PTDSS1: variants seen among roughly 807,000 people sequenced by gnomAD.
PTDSS1 encodes PSS-1.
A neutral mutation model predicts 70.5 loss-of-function variants in PTDSS1; 45 were observed. The observed-to-expected ratio is 0.64, with a 90% CI of 0.50 to 0.82. The LOEUF is 0.82. PTDSS1 is among the 40% of genes least tolerant of loss of function. PTDSS1 has a pLI of 0.00. For synonymous variants in PTDSS1, 188 were observed against 203.8 expected (o/e 0.92, Z 0.66); for missense variants, 417 against 586.1 (o/e 0.71, Z 2.98).
At chr8:96,287,179 T>C (rs753518310) in intron 4 of PTDSS1, 33 bp downstream of exon 4, 2 of 1,610,236 alleles carry the variant, frequency 1.2e-6, no homozygotes, top group African/African-American at 2.7e-5. Flanking sequence ...TTGGAGAAAC[T>C]CGTAGACTCT....
At chr8:96,331,276 C>T (rs1044757730) in intron 12 of PTDSS1, among the ~76,000 whole-genome samples, 181 bp downstream of exon 12, 4 of 152,110 alleles carry the variant, frequency 2.6e-5, no homozygotes, top group Admixed American at 2.0e-4. Flanking sequence ...GCCTGTAATC[C>T]TAACACTTTG....
Position 96,309,542 on chromosome 8 carries a change from A to G in PTDSS1, c.1008-15A>G, listed in dbSNP as rs770522199. ...TTCCAGCAGCTCTCAATGAATTCCAACTTTGTTCTTTCAGACAGTACTACG... is the reference window on the plus strand; with the variant it reads ...TTCCAGCAGCTCTCAATGAATTCCAGCTTTGTTCTTTCAGACAGTACTACG... On this transcript the variant is annotated splice_polypyrimidine_tract_variant and intron_variant, in intron 8 of 12. Coordinates refer to ENST00000517309, the MANE Select transcript of PTDSS1 (RefSeq NM_014754.3). 1 of 1,611,650 alleles carries G rather than the reference A, an allele frequency of 6.2e-7. No homozygotes were observed. Among genetic ancestry groups the G allele is most frequent in the Non-Finnish European group, 8.5e-7 (1 of 1,178,058 alleles).
At chr8:96,321,140 C>A (rs1258216425) in intron 10 of PTDSS1, among the ~76,000 whole-genome samples, 2 of 152,136 alleles carry the variant, frequency 1.3e-5, no homozygotes, top group Non-Finnish European at 2.9e-5. Context: ...CCCTCATGAA[C>A]CCATCATCGG....
chr8:96,276,465 TG>T (rs1164642915), intron 2 of PTDSS1, among the ~76,000 whole-genome samples: 2 of 152,158 alleles, frequency 1.3e-5, no homozygotes, highest in Non-Finnish European at 2.9e-5. Flanking sequence ...TTCCTTATCC[TG>T]GCTGCATGGA....
intron 9 of PTDSS1, among the ~76,000 whole-genome samples, chr8:96,315,499 G>T (rs1446715007): frequency 6.6e-6 from 1 of 152,164 alleles, no homozygotes; most frequent in Non-Finnish European, 1.5e-5. Context: ...GAGCTTTCAT[G>T]CCCCAGATTC....
At chr8:96,332,742 CT>C (rs1298884375) in intron 12 of PTDSS1, among the ~76,000 whole-genome samples, 1 of 152,206 alleles carries the variant, frequency 6.6e-6, no homozygotes, top group Non-Finnish European at 1.5e-5. Context: ...ATCTCTTAGT[CT>C]AAGTCAAATG....
chr8:96,286,019 C>G (rs2130053832), intron 3 of PTDSS1, among the ~76,000 whole-genome samples: 1 of 152,234 alleles, frequency 6.6e-6, no homozygotes, highest in East Asian at 1.9e-4. Flanking sequence ...CCCGGGCCTC[C>G]CTTGAACTCC....
chr8:96,317,099 A>ATG (rs1811303545), intron 9 of PTDSS1, among the ~76,000 whole-genome samples: 2 of 148,152 alleles, frequency 1.3e-5, no homozygotes, highest in African/African-American at 5.3e-5. Flanking sequence ...AGAGAGAGAC[A>ATG]GAGAGAGAGA....
chr8:96,304,735 G>A (rs1372342373), intron 7 of PTDSS1, among the ~76,000 whole-genome samples: 1 of 152,140 alleles, frequency 6.6e-6, no homozygotes, highest in Non-Finnish European at 1.5e-5. Context: ...CAGGGTCTTG[G>A]CAAAAGATTA....
intron 10 of PTDSS1, among the ~76,000 whole-genome samples, chr8:96,324,452 T>G (rs1811411639): frequency 6.6e-6 from 1 of 152,246 alleles, no homozygotes; most frequent in Non-Finnish European, 1.5e-5. Context: ...AACAGAATAC[T>G]GCAGACTGGG....
rs1305613002 is a variant in PTDSS1, at chr8:96,299,824, C to A, written c.731C>A (p.Thr244Asn). 1 of 1,613,322 alleles carries A rather than the reference C, an allele frequency of 6.2e-7. No homozygotes were observed. The highest frequency in any genetic ancestry group is 8.5e-7 in the Non-Finnish European group (1 of 1,179,882). ...GTTTGCCGGTTTTTAGAGATGAGGACTTACCACTGGGCAAGCTTCAAGTGA... is the reference window on the plus strand; with the variant it reads ...GTTTGCCGGTTTTTAGAGATGAGGAATTACCACTGGGCAAGCTTCAAGTGA... ...MVVCRFLEMRTYHWASFKDIH... is the reference protein window; with the variant it reads ...MVVCRFLEMRNYHWASFKDIH... The change falls in exon 6 of 13, where the codon ACT (threonine) becomes AAT (asparagine). Residue 244 changes from threonine to asparagine, a missense_variant. By Grantham distance (65) the Thr-to-Asn change is moderately conservative. Coordinates refer to ENST00000517309, the MANE Select transcript of PTDSS1 (RefSeq NM_014754.3).
rs1474334176 is a variant in PTDSS1 at position 96,334,029 on chromosome 8, C to T, written c.*463C>T. On this transcript the variant is annotated 3_prime_UTR_variant, in exon 13 of 13. Coordinates refer to ENST00000517309, the MANE Select transcript of PTDSS1 (RefSeq NM_014754.3). ...ATTTAAGTTCAGGCCACTTTTCTGTCTTTTATTTGGTTACTGTTGTTATTT... is the reference window on the plus strand; with the variant it reads ...ATTTAAGTTCAGGCCACTTTTCTGTTTTTTATTTGGTTACTGTTGTTATTT... The T allele has an allele frequency of 2.3e-6, 1 of 432,976 alleles. No individual in the cohort carries two copies. Among genetic ancestry groups the T allele is most frequent in the Non-Finnish European group, 4.1e-6 (1 of 245,166 alleles). 26.8% of individuals were successfully genotyped at this position (432,976 alleles called of 1,614,324 possible). A position where few individuals can be genotyped will look rare whatever the true frequency, so the allele number is the denominator to read the frequency against.
At chr8:96,283,396 C>G (rs1027524223) in intron 2 of PTDSS1, among the ~76,000 whole-genome samples, 2 of 152,138 alleles carry the variant, frequency 1.3e-5, no homozygotes, top group African/African-American at 4.8e-5. Flanking sequence ...GCTTTCTTCT[C>G]CCTCTTCTGC....
intron 2 of PTDSS1, among the ~76,000 whole-genome samples, chr8:96,280,561 C>T (rs1001227993): frequency 6.6e-6 from 1 of 150,974 alleles, no homozygotes; most frequent in African/African-American, 2.4e-5. Flanking sequence ...GGGTGAGACT[C>T]GTCTCAAAAA....
At chr8:96,288,134 G>C (rs1810849732) in intron 4 of PTDSS1, among the ~76,000 whole-genome samples, 1 of 152,118 alleles carries the variant, frequency 6.6e-6, no homozygotes, top group Non-Finnish European at 1.5e-5. Context: ...TATTGTAAAG[G>C]ACATGATAAA....
chr8:96,266,072 C>T (rs761800451), intron 1 of PTDSS1, among the ~76,000 whole-genome samples: 1 of 152,226 alleles, frequency 6.6e-6, no homozygotes, highest in African/African-American at 2.4e-5. Flanking sequence ...ACTCTGCATT[C>T]AGGGGTTGGT....
At chr8:96,330,905 C>T in intron 11 of PTDSS1, 121 bp from the exon 12 acceptor site, 1 of 769,150 alleles carries the variant, frequency 1.3e-6, no homozygotes, top group Non-Finnish European at 2.2e-6. Context: ...GAGGTTCTGT[C>T]ACTTGCCAGT....
At chr8:96,293,365 C>T (rs561582112) in intron 4 of PTDSS1, among the ~76,000 whole-genome samples, 17 of 152,332 alleles carry the variant, frequency 1.1e-4, no homozygotes, top group African/African-American at 3.8e-4. Flanking sequence ...AGGGTAAGGC[C>T]GCCAAGATCA....
In PTDSS1 at chr8:96,333,853, A is replaced by G; in HGVS notation, c.*287A>G. The stretch of plus-strand genomic sequence containing the variant: ...GGTGTGTTGAAGGGAAACGGTAGCT[A>G]TTCATTCACAGTTGCCAAGAGCAGC... On this transcript the variant is annotated 3_prime_UTR_variant, in exon 13 of 13. Transcript: ENST00000517309. 1.5e-6 allele frequency: 1 copy of G among 645,752 alleles called. No homozygotes were observed. Among genetic ancestry groups the G allele is most frequent in the Non-Finnish European group, 2.8e-6 (1 of 357,796 alleles). 40.0% of individuals were successfully genotyped at this position (645,752 alleles called of 1,614,324 possible). A position where few individuals can be genotyped will look rare whatever the true frequency, so the allele number is the denominator to read the frequency against.
Sources: gnomAD v4.1 joint callset for allele counts (sites outside exome capture counted in the v4.1 genomes callset) on GRCh38, gnomAD v4.1.1 for gene constraint, MANE v1.5 for transcripts, NCBI Gene and HGNC (gene_info 2026-07-23, HGNC 2026-07-21) for gene names.